Variants in TNR observed in about 807,000 individuals in gnomAD.
TNR encodes the protein tenascin R.
Under a neutral mutation model 150.4 loss-of-function variants are expected in TNR, and 45 were observed. The observed-to-expected ratio is 0.30, with a 90% CI of 0.24 to 0.38. TNR has a LOEUF of 0.38. TNR is among the 10% of genes least tolerant of loss of function. The pLI is 1.00. For synonymous variants in TNR, 687 were observed against 678.4 expected (o/e 1.01, Z -0.20); for missense variants, 1,544 against 1,759.1 (o/e 0.88, Z 2.19).
intron 1 of TNR, among the ~76,000 whole-genome samples, chr1:175,563,329 G>A (rs1364989177): frequency 6.6e-6 from 1 of 152,146 alleles, no homozygotes; most frequent in African/African-American, 2.4e-5. Context: ...CACATTTCTT[G>A]GGACACAAAA....
intron 1 of TNR, among the ~76,000 whole-genome samples, chr1:175,538,547 G>T (rs1436042594): frequency 6.6e-6 from 1 of 152,124 alleles, no homozygotes; most frequent in Non-Finnish European, 1.5e-5. Context: ...TTGGGGTCCT[G>T]GTATGATCCA....
At chr1:175,575,334 T>C (rs1402539812) in intron 1 of TNR, among the ~76,000 whole-genome samples, 2 of 152,192 alleles carry the variant, frequency 1.3e-5, no homozygotes, top group Non-Finnish European at 2.9e-5. Context: ...TTTTTTACTA[T>C]AGCATAACCT....
At chr1:175,432,788 C>T (rs1020458289) in intron 2 of TNR, among the ~76,000 whole-genome samples, 12 of 152,122 alleles carry the variant, frequency 7.9e-5, no homozygotes, top group African/African-American at 2.7e-4. Context: ...ACCCAATATT[C>T]ACTCTCCTCT....
intron 1 of TNR, among the ~76,000 whole-genome samples, chr1:175,657,266 A>G (rs1042493943): frequency 6.6e-6 from 1 of 152,182 alleles, no homozygotes; most frequent in Non-Finnish European, 1.5e-5. Context: ...AAAGTCAGGG[A>G]ACAACACGTG....
At chr1:175,549,007 T>C (rs375064505) in intron 1 of TNR, among the ~76,000 whole-genome samples, 31 of 152,298 alleles carry the variant, frequency 2.0e-4, no homozygotes, top group Admixed American at 2.6e-4. Flanking sequence ...ATTGGTAATA[T>C]CTTCATGCAG....
At chr1:175,542,100 G>A (rs965022077) in intron 1 of TNR, among the ~76,000 whole-genome samples, 2 of 152,160 alleles carry the variant, frequency 1.3e-5, no homozygotes, top group Non-Finnish European at 2.9e-5. Context: ...ATGCCACTGG[G>A]TTTGGGGCAA....
intron 1 of TNR, among the ~76,000 whole-genome samples, chr1:175,681,040 C>A (rs1452670185): frequency 2.6e-5 from 4 of 152,100 alleles, no homozygotes; most frequent in African/African-American, 9.7e-5. Context: ...CAGTGCCTGG[C>A]ACATAGGAAG....
At chr1:175,614,379 C>T (rs770692264) in intron 1 of TNR, among the ~76,000 whole-genome samples, 10 of 152,258 alleles carry the variant, frequency 6.6e-5, no homozygotes, top group Non-Finnish European at 1.2e-4. Flanking sequence ...TCCTCTCCCA[C>T]CTGTGTCCTC....
chr1:175,395,365 A>G lies in TNR; in HGVS notation c.1240+1179T>C, dbSNP rs79377120. 4.3e-3 allele frequency among the ~76,000 whole-genome samples: 656 copies of G among 152,300 alleles called. 4 individuals are homozygous for G. Among genetic ancestry groups the G allele is most frequent in the African/African-American group, 0.015 (634 of 41,552 alleles). On this transcript the variant is annotated intron_variant, in intron 5 of 22. Transcript: ENST00000367674. The stretch of plus-strand genomic sequence containing the variant: ...CCATCTACCTACACAAAATGGGCTC[A>G]GATCTCTTACCCCTTATCTGGTGGT...
intron 1 of TNR, among the ~76,000 whole-genome samples, chr1:175,680,780 G>C (rs1666010663): frequency 6.6e-6 from 1 of 152,208 alleles, no homozygotes; most frequent in African/African-American, 2.4e-5. Context: ...TAAGGACTGA[G>C]TACCAGTGTG....
intron 1 of TNR, among the ~76,000 whole-genome samples, chr1:175,529,353 C>G (rs1406597664): frequency 1.3e-5 from 2 of 152,200 alleles, no homozygotes. Flanking sequence ...AATAAATTAA[C>G]CTTCCCTGGA....
intron 1 of TNR, among the ~76,000 whole-genome samples, chr1:175,533,441 A>G (rs553134174): frequency 5.3e-5 from 8 of 152,340 alleles, no homozygotes; most frequent in Admixed American, 5.2e-4. Flanking sequence ...CCTCAAAGTC[A>G]GCCTTCCTCC....
chr1:175,341,715 G>A (rs1348902751), intron 18 of TNR, among the ~76,000 whole-genome samples: 1 of 152,198 alleles, frequency 6.6e-6, no homozygotes, highest in East Asian at 1.9e-4. Context: ...TCAGCATCAG[G>A]ACTGAAGCCA....
intron 1 of TNR, among the ~76,000 whole-genome samples, chr1:175,693,643 A>G (rs1285723781): frequency 6.6e-6 from 1 of 152,214 alleles, no homozygotes; most frequent in Non-Finnish European, 1.5e-5. Flanking sequence ...ACTGTGTTCT[A>G]CAGGTGACTG....
chr1:175,562,768 G>A (rs1273114224), intron 1 of TNR, among the ~76,000 whole-genome samples: 2 of 152,208 alleles, frequency 1.3e-5, no homozygotes, highest in Non-Finnish European at 2.9e-5. Context: ...GGCTGGCTAT[G>A]TCAAGCTGCA....
chr1:175,353,532 G>A (rs996245580), intron 18 of TNR, among the ~76,000 whole-genome samples: 16 of 152,178 alleles, frequency 1.1e-4, no homozygotes, highest in African/African-American at 3.9e-4. Flanking sequence ...CTGGGTTCAA[G>A]GTCTGACTCA....
chr1:175,415,957 CA>C (rs777778557), intron 2 of TNR, among the ~76,000 whole-genome samples: 1 of 152,134 alleles, frequency 6.6e-6, no homozygotes, highest in Non-Finnish European at 1.5e-5. Flanking sequence ...TCTTTTTAGG[CA>C]GCTGTTGATA....
chr1:175,377,468 T>G (rs1325135153), intron 9 of TNR, among the ~76,000 whole-genome samples: 2 of 151,830 alleles, frequency 1.3e-5, no homozygotes, highest in South Asian at 2.1e-4. Context: ...GGTTTTTTTT[T>G]TTTTTTTTTT....
chr1:175,718,553 T>A (rs1370170509), intron 1 of TNR, among the ~76,000 whole-genome samples: 5 of 152,118 alleles, frequency 3.3e-5, no homozygotes, highest in African/African-American at 1.2e-4. Context: ...CCTAGGCAGT[T>A]TAGTAGGGTG....
Sources: allele counts gnomAD v4.1 joint callset (sites outside exome capture counted in the v4.1 genomes callset), GRCh38; gene constraint gnomAD v4.1.1; transcripts MANE v1.5; gene names NCBI Gene and HGNC (gene_info 2026-07-23, HGNC 2026-07-21).